Variants in TSG101 observed in about 807,000 individuals in gnomAD.
The protein encoded by TSG101 is tumor susceptibility gene 101 protein.
TSG101 carries 19 observed loss-of-function variants against 48.5 expected under a neutral mutation model. The ratio of observed to expected loss-of-function variants is 0.39; its 90% confidence interval spans 0.27 to 0.58. The LOEUF is 0.58. Ranked by LOEUF, TSG101 falls within the 20% of genes least tolerant of loss-of-function variation. The probability of loss-of-function intolerance (pLI) is 0.55; values close to 1 mark genes in which losing one functional copy is unlikely to be tolerated. For missense variants in TSG101, 365 were observed against 484.4 expected, an observed-to-expected ratio of 0.75 and a Z score of 2.31; for synonymous variants, 174 against 169.4, an observed-to-expected ratio of 1.03 and a Z score of -0.21.
chr11:18,509,040 T>C (rs1850025222), intron 5 of TSG101, among the ~76,000 whole-genome samples: 1 of 152,120 alleles, frequency 6.6e-6, no homozygotes, highest in African/African-American at 2.4e-5. Flanking sequence ...CTCCCACCAC[T>C]CCACACAAGG....
intron 7 of TSG101, chr11:18,490,604 T>G (rs976994182): frequency 4.3e-6 from 2 of 466,294 alleles, no homozygotes; most frequent in Middle Eastern, 7.6e-4. Flanking sequence ...AATAATCTCC[T>G]TTCATTTTCA....
rs1850234990 is a variant in TSG101 at position 18,519,595 on chromosome 11, G to A, written c.51C>T (p.Tyr17=). The A allele has an allele frequency of 6.2e-7, 1 of 1,608,036 alleles. No individual in the cohort carries two copies. The highest frequency in any genetic ancestry group is 1.7e-5 in the Admixed American group (1 of 58,374). The part of the protein sequence containing the change: ...QLKKMVSKYK[Y]RDLTVRETVN... ...CAGTTTCACGTACAGTTAGGTCTCT[G>A]TATTTGTACTGAAAAGCAAAATCGC... The change falls in exon 2 of 10, where the codon TAC becomes TAT. Residue 17 remains tyrosine (Y), a synonymous_variant. Transcript: ENST00000251968.
At chr11:18,499,354 G>GT (rs201530764) in intron 7 of TSG101, among the ~76,000 whole-genome samples, 14,322 of 67,716 alleles carry the variant, frequency 0.21, 1,700 homozygotes, top group East Asian at 0.49. Context: ...ATTTATATAT[G>GT]TTTATATATA....
At chr11:18,495,888 C>A (rs921780469) in intron 7 of TSG101, among the ~76,000 whole-genome samples, 3 of 150,444 alleles carry the variant, frequency 2.0e-5, no homozygotes, top group African/African-American at 7.3e-5. Flanking sequence ...TGCATCACTG[C>A]ACTCCAGCCT....
intron 1 of TSG101, among the ~76,000 whole-genome samples, chr11:18,524,139 CT>C (rs1444227134): frequency 1.3e-5 from 2 of 152,110 alleles, no homozygotes; most frequent in Non-Finnish European, 2.9e-5. Flanking sequence ...TCTAGAAATG[CT>C]GTAGATAAAC....
chr11:18,509,106 T>C (rs1391246841), intron 5 of TSG101, among the ~76,000 whole-genome samples: 1 of 152,192 alleles, frequency 6.6e-6, no homozygotes, highest in African/African-American at 2.4e-5. Context: ...AGATGTCCAA[T>C]TGTGTATACC....
chr11:18,481,530 T>C (rs1362031791), intron 9 of TSG101, 100 bp downstream of exon 9: 1 of 1,504,872 alleles, frequency 6.6e-7, no homozygotes, highest in African/African-American at 1.4e-5. Context: ...TAAAGAATCT[T>C]AATCCATACT....
intron 3 of TSG101, 52 bp from the exon 4 acceptor site, chr11:18,514,893 G>A (rs753337572): frequency 6.8e-7 from 1 of 1,466,812 alleles, no homozygotes; most frequent in South Asian, 1.4e-5. Flanking sequence ...TTTTTAAATT[G>A]AAGAATGGTT....
intron 4 of TSG101, among the ~76,000 whole-genome samples, chr11:18,512,788 TGC>T (rs1237692727): frequency 6.8e-6 from 1 of 146,128 alleles, no homozygotes; most frequent in Non-Finnish European, 1.5e-5. Flanking sequence ...AGTGCAGTGG[TGC>T]GATCTCGGCT....
chr11:18,498,671 A>C (rs1246781793), intron 7 of TSG101, among the ~76,000 whole-genome samples: 1 of 152,186 alleles, frequency 6.6e-6, no homozygotes, highest in Non-Finnish European at 1.5e-5. Context: ...TCTCGAGTTC[A>C]GGAGAGAGGT....
intron 7 of TSG101, among the ~76,000 whole-genome samples, chr11:18,495,312 C>T (rs1317285833): frequency 6.6e-6 from 1 of 152,190 alleles, no homozygotes; most frequent in African/African-American, 2.4e-5. Context: ...AAAGGTCAAA[C>T]TGTGTATATG....
rs1238049338 is a variant in TSG101 at position 18,509,941 on chromosome 11, GAACT to G, written c.358-280_358-277del. ...GTTTTGTTCTTCATTTGACTCCACA[GAACT>G]AACAAAAATTTATTTTATTGCCACT... On this transcript the variant is annotated intron_variant, in intron 4 of 9. Coordinates refer to ENST00000251968, the MANE Select transcript of TSG101 (RefSeq NM_006292.4). Among the ~76,000 whole-genome samples the G allele has an allele frequency of 9.2e-5, 14 of 152,134 alleles. 1 individual carries two copies. The South Asian group carries it at 1.2e-3, about 13-fold the overall frequency.
At chr11:18,511,094 C>T (rs1160933957) in intron 4 of TSG101, 2 of 152,194 alleles carry the variant, frequency 1.3e-5, no homozygotes, top group Non-Finnish European at 1.5e-5. Flanking sequence ...TTCATAAGTT[C>T]ACTGAGTTCT....
chr11:18,522,041 G>A (rs1357639875), intron 1 of TSG101, among the ~76,000 whole-genome samples: 1 of 152,082 alleles, frequency 6.6e-6, no homozygotes, highest in Non-Finnish European at 1.5e-5. Flanking sequence ...CCTGCACTCT[G>A]TGCCTGTGCC....
chr11:18,493,035 T>G (rs1045047245), intron 7 of TSG101, among the ~76,000 whole-genome samples: 6 of 152,206 alleles, frequency 3.9e-5, no homozygotes, highest in Non-Finnish European at 8.8e-5. Context: ...ATAACAAGAA[T>G]AAGAAGAGTT....
At chr11:18,521,973 C>T (rs1187875899) in intron 1 of TSG101, among the ~76,000 whole-genome samples, 1 of 152,140 alleles carries the variant, frequency 6.6e-6, no homozygotes, top group Non-Finnish European at 1.5e-5. Flanking sequence ...CCATCATGCC[C>T]AGCTCCCTTT....
chr11:18,497,887 G>C (rs1849808901), intron 7 of TSG101, among the ~76,000 whole-genome samples: 1 of 152,126 alleles, frequency 6.6e-6, no homozygotes, highest in Non-Finnish European at 1.5e-5. Flanking sequence ...GAGAAAAACG[G>C]TGGAAATAAC....
At chr11:18,508,914 C>T (rs1184421566) in intron 5 of TSG101, 1 of 149,628 alleles carries the variant, frequency 6.7e-6, no homozygotes, top group African/African-American at 2.4e-5. Context: ...AAAATAAGTA[C>T]AACCAACTCA....
chr11:18,499,322 TTATA>T (rs1213347031), intron 7 of TSG101, among the ~76,000 whole-genome samples: 3 of 122,826 alleles, frequency 2.4e-5, no homozygotes, highest in African/African-American at 6.0e-5. Flanking sequence ...TTATATATAT[TTATA>T]TATTTATATT....
Sources: gnomAD v4.1 joint callset for allele counts (sites outside exome capture counted in the v4.1 genomes callset) on GRCh38, gnomAD v4.1.1 for gene constraint, MANE v1.5 for transcripts, NCBI Gene and HGNC (gene_info 2026-07-23, HGNC 2026-07-21) for gene names.